CADPS2: variants seen among roughly 807,000 people sequenced by gnomAD.
CADPS2 encodes the protein calcium dependent secretion activator 2, also known as calcium-dependent secretion activator 2.
A neutral mutation model predicts 172.5 loss-of-function variants in CADPS2; 93 were observed. That is an observed-to-expected ratio of 0.54 (90% CI 0.46 to 0.64). The LOEUF (loss-of-function observed/expected upper bound fraction) is 0.64, where lower values mean the gene tolerates loss of function less well. Ranked by LOEUF, CADPS2 falls within the 30% of genes least tolerant of loss-of-function variation. CADPS2 has a pLI of 0.00. For synonymous variants in CADPS2, 546 were observed against 555.2 expected, an observed-to-expected ratio of 0.98 and a Z score of 0.23; for missense variants, 1,420 against 1,565.9, an observed-to-expected ratio of 0.91 and a Z score of 1.57.
At chr7:122,616,720 C>T (rs2074966899) in intron 5 of CADPS2, among the ~76,000 whole-genome samples, 1 of 151,998 alleles carries the variant, frequency 6.6e-6, no homozygotes, top group African/African-American at 2.4e-5. Flanking sequence ...TGTTCTAATA[C>T]TCATCAGGGA....
intron 8 of CADPS2, among the ~76,000 whole-genome samples, chr7:122,527,504 G>A (rs1586869617): frequency 6.6e-6 from 1 of 150,612 alleles, no homozygotes; most frequent in South Asian, 2.1e-4. Context: ...TTCTTTGCCC[G>A]AGTTCTGAAC....
chr7:122,661,937 A>C (rs991477969), intron 3 of CADPS2, among the ~76,000 whole-genome samples: 3 of 152,238 alleles, frequency 2.0e-5, no homozygotes, highest in African/African-American at 7.2e-5. Context: ...TTGGTTTTAT[A>C]GTCTTCTTCC....
rs1038500977 is a variant in CADPS2 at position 122,737,169 on chromosome 7, A to T, written c.340-101T>A. The T allele has an allele frequency of 4.7e-6, 3 of 639,900 alleles. No homozygotes were observed. In the Admixed American group the frequency reaches 8.6e-5, roughly 18 times the overall value. 39.6% of individuals were successfully genotyped at this position (639,900 alleles called of 1,614,324 possible). On this transcript the variant is annotated intron_variant, in intron 1 of 29. Transcript: ENST00000449022. The stretch of plus-strand genomic sequence containing the variant: ...GCTGTATATTAGATTTCACATCTAG[A>T]ATTAACTTTATAGTAAAGAAAAATA...
At chr7:122,616,460 TA>T (rs1449611804) in intron 5 of CADPS2, among the ~76,000 whole-genome samples, 1 of 152,156 alleles carries the variant, frequency 6.6e-6, no homozygotes, top group Non-Finnish European at 1.5e-5. Context: ...GTCATGTTTG[TA>T]AATATGAATG....
chr7:122,402,198 C>G (rs1000361352), intron 20 of CADPS2, among the ~76,000 whole-genome samples: 1 of 152,142 alleles, frequency 6.6e-6, no homozygotes, highest in Non-Finnish European at 1.5e-5. Context: ...CAACTCCTTT[C>G]CTCTGCCCCC....
chr7:122,414,258 GAT>G (rs2047633476), intron 18 of CADPS2, among the ~76,000 whole-genome samples, 182 bp from the exon 19 acceptor site: 1 of 152,046 alleles, frequency 6.6e-6, no homozygotes, highest in Admixed American at 6.6e-5. Context: ...TAGTAAATAA[GAT>G]ATACATTTTA....
chr7:122,424,278 G>A (rs1489765227), intron 17 of CADPS2: 4 of 932,792 alleles, frequency 4.3e-6, no homozygotes, highest in African/African-American at 3.6e-5. Flanking sequence ...TAATAATATA[G>A]TGCTTTGGAA....
chr7:122,507,703 C>T (rs2059708692), intron 9 of CADPS2, among the ~76,000 whole-genome samples: 1 of 152,052 alleles, frequency 6.6e-6, no homozygotes, highest in Non-Finnish European at 1.5e-5. Context: ...ATGTGAAGAA[C>T]CTATTGTTAA....
chr7:122,477,052 A>AAGAGAGAGAGAGAGAG (rs541881529), intron 12 of CADPS2, among the ~76,000 whole-genome samples: 2 of 26,008 alleles, frequency 7.7e-5, no homozygotes, highest in African/African-American at 3.0e-4. Flanking sequence ...GGAGAGAGAG[A>AAGAGAGAGAGAGAGAG]AGAGAGAGAG....
intron 19 of CADPS2, among the ~76,000 whole-genome samples, chr7:122,410,061 T>C (rs894082950): frequency 6.6e-6 from 1 of 152,082 alleles, no homozygotes; most frequent in African/African-American, 2.4e-5. Context: ...AACTTACTAC[T>C]GGCAGGGTGC....
At chr7:122,653,217 T>A (rs2079367909) in intron 3 of CADPS2, among the ~76,000 whole-genome samples, 1 of 152,160 alleles carries the variant, frequency 6.6e-6, no homozygotes, top group Non-Finnish European at 1.5e-5. Context: ...GCAAGCAACA[T>A]CTTTGAGATT....
chr7:122,610,192 C>G (rs556261925), intron 6 of CADPS2, among the ~76,000 whole-genome samples: 3 of 151,652 alleles, frequency 2.0e-5, no homozygotes, highest in Admixed American at 2.0e-4. Context: ...ATAATACTTC[C>G]TCTCAGGTTT....
rs73717687 is a variant in CADPS2, at chr7:122,567,720, G to A, written c.1336-13031C>T. Among the ~76,000 whole-genome samples, 1,204 of 152,144 alleles carry A rather than the reference G, an allele frequency of 7.9e-3. 16 individuals carry two copies. Among genetic ancestry groups the A allele is most frequent in the African/African-American group, 0.028 (1,150 of 41,526 alleles). ...AGAACTAGAGGTATAATATTGTAAG[G>A]TTCTTAAATATACATTAAATGTTAT... On this transcript the variant is annotated intron_variant, in intron 7 of 29. Transcript: ENST00000449022.
At position 122,732,441 on chromosome 7, in the gene CADPS2, TGA is replaced by T. The variant is rs142800889; in HGVS notation, c.453+4512_453+4513del. Reference sequence around the variant, plus strand: ...ATTCAAGAAATAGCAATCATAAAGCTGAGAGAGAAAAATAATAGCAAACAGAT... The same window carrying T: ...ATTCAAGAAATAGCAATCATAAAGCTGAGAGAAAAATAATAGCAAACAGAT... On this transcript the variant is annotated intron_variant, in intron 2 of 29. Coordinates refer to ENST00000449022, the MANE Select transcript of CADPS2 (RefSeq NM_017954.11). 6.0e-5 allele frequency among the ~76,000 whole-genome samples: 9 copies of T among 150,314 alleles called. No homozygotes were observed. The East Asian group carries it at 9.7e-4, about 16-fold the overall frequency.
At chr7:122,430,249 A>G (rs1010402926) in intron 17 of CADPS2, among the ~76,000 whole-genome samples, 20 of 152,224 alleles carry the variant, frequency 1.3e-4, no homozygotes, top group Non-Finnish European at 2.1e-4. Flanking sequence ...TAGGTTCACC[A>G]TAAGCCTAGG....
Position 122,872,595 on chromosome 7 carries a change from T to C in CADPS2, c.339+13404A>G, listed in dbSNP as rs528824116. ...AAAGTTGTCTTGTTATATTTCAGAATTTTTTCTTATGATATTCAGCATTTT... is the reference window on the plus strand; with the variant it reads ...AAAGTTGTCTTGTTATATTTCAGAACTTTTTCTTATGATATTCAGCATTTT... On this transcript the variant is annotated intron_variant, in intron 1 of 29. Coordinates refer to ENST00000449022, the MANE Select transcript of CADPS2 (RefSeq NM_017954.11). Among the ~76,000 whole-genome samples the C allele has an allele frequency of 1.4e-4, 21 of 152,174 alleles. No individual in the cohort carries two copies. In the South Asian group the frequency reaches 1.7e-3, roughly 12 times the overall value.
chr7:122,693,636 G>C (rs766640823), intron 2 of CADPS2, among the ~76,000 whole-genome samples: 1 of 152,154 alleles, frequency 6.6e-6, no homozygotes, highest in African/African-American at 2.4e-5. Context: ...CCAAGGTTTT[G>C]AAGTACTACT....
intron 3 of CADPS2, among the ~76,000 whole-genome samples, chr7:122,644,794 A>C (rs980594925): frequency 2.6e-5 from 4 of 152,200 alleles, no homozygotes; most frequent in African/African-American, 9.6e-5. Context: ...AACTCTCAAG[A>C]GCAACACATT....
Position 122,590,444 on chromosome 7 carries a change from T to C in CADPS2, c.1224-9154A>G, listed in dbSNP as rs186197413. On this transcript the variant is annotated intron_variant, in intron 6 of 29. Transcript: ENST00000449022. ...TTGAACTTCTTCAAGTGTCAGAACA[T>C]GGATTTATGTAATTCTTTTCAAGAC... is the stretch of plus-strand genomic sequence containing the variant. Among the ~76,000 whole-genome samples, 731 of 152,052 alleles carry C rather than the reference T, an allele frequency of 4.8e-3. 22 individuals carry two copies. Among genetic ancestry groups the C allele is most frequent in the Admixed American group, 1.9e-3 (29 of 15,220 alleles).
Sources: allele counts gnomAD v4.1 joint callset (sites outside exome capture counted in the v4.1 genomes callset), GRCh38; gene constraint gnomAD v4.1.1; transcripts MANE v1.5; gene names NCBI Gene and HGNC (gene_info 2026-07-23, HGNC 2026-07-21).